The following FRMD6 variants were observed in gnomAD, a reference collection of about 807,000 sequenced individuals.
FRMD6 encodes FERM domain containing 6, also known as FERM domain-containing protein 6.
FRMD6 carries 37 observed loss-of-function variants against 73.2 expected under a neutral mutation model. The observed-to-expected ratio is 0.51, with a 90% CI of 0.39 to 0.66. FRMD6 has a LOEUF of 0.66. Ranked by LOEUF, FRMD6 falls within the 30% of genes least tolerant of loss-of-function variation. The pLI, the probability that FRMD6 is intolerant of heterozygous loss-of-function variation, is 0.00. For synonymous variants in FRMD6, 273 were observed against 282.2 expected (o/e 0.97, Z 0.33); for missense variants, 714 against 780.5 (o/e 0.91, Z 1.02).
chr14:51,437,382 A>C, the FRMD6 span, among the ~76,000 whole-genome samples: 90 of 152,158 alleles, frequency 5.9e-4, 3 homozygotes, highest in Non-Finnish European at 1.5e-5. Flanking sequence ...GGCTCACTGC[A>C]ACCTCCGCCT....
Position 51,715,414 on chromosome 14 carries a change from C to A in FRMD6, c.939C>A (p.Leu313=). ...YTGCPMRSRH[L]LQLLSNSHRL... ...GGTGCCCCATGCGCTCCAGACACCT[C>A]CTGCAACTTCTGAGCAACAGCCACC... Residue 313 remains leucine (L), a synonymous_variant, in exon 10 of 14, where the codon CTC becomes CTA. Coordinates refer to ENST00000344768, the MANE Select transcript of FRMD6 (RefSeq NM_001267046.2). The A allele has an allele frequency of 1.2e-6, 2 of 1,613,930 alleles. No individual in the cohort carries two copies. Among genetic ancestry groups the A allele is most frequent in the Non-Finnish European group, 8.5e-7 (1 of 1,179,870 alleles).
chr14:51,475,929 A>G, the FRMD6 span, among the ~76,000 whole-genome samples: 5 of 152,170 alleles, frequency 3.3e-5, no homozygotes, highest in Non-Finnish European at 7.4e-5. Flanking sequence ...ACGTGCTTAC[A>G]TGCTGAACCA....
At chr14:51,655,267 A>G (rs1423546146) in intron 1 of FRMD6, among the ~76,000 whole-genome samples, 2 of 152,246 alleles carry the variant, frequency 1.3e-5, no homozygotes, top group African/African-American at 2.4e-5. Context: ...TGTTGCACAC[A>G]TTAAAATTAT....
chr14:51,471,803 GAAGA>G, the FRMD6 span, among the ~76,000 whole-genome samples: 1 of 152,076 alleles, frequency 6.6e-6, no homozygotes, highest in East Asian at 1.9e-4. Flanking sequence ...TTTAAAAAAA[GAAGA>G]AAGAAAGAAA....
At chr14:51,436,100 C>A in the FRMD6 span, 1 of 218,832 alleles carries the variant, frequency 4.6e-6, no homozygotes, top group Non-Finnish European at 8.9e-6. Context: ...CACCTCCTGC[C>A]CTGAGACCAG....
chr14:51,570,923 T>C (rs1888101946), intron 2 of FRMD6, among the ~76,000 whole-genome samples: 1 of 152,248 alleles, frequency 6.6e-6, no homozygotes, highest in Admixed American at 6.5e-5. Context: ...CTATCTAATA[T>C]GGGACTCCGT....
intron 1 of FRMD6, among the ~76,000 whole-genome samples, chr14:51,664,502 C>T (rs1384598733): frequency 6.6e-6 from 1 of 152,116 alleles, no homozygotes; most frequent in Admixed American, 6.5e-5. Flanking sequence ...TTAATGCATA[C>T]GTATTGTTTT....
chr14:51,642,036 C>G (rs997930009), intron 2 of FRMD6, among the ~76,000 whole-genome samples: 2 of 152,134 alleles, frequency 1.3e-5, no homozygotes, highest in African/African-American at 4.8e-5. Flanking sequence ...AATAAGGCCA[C>G]GTACCTTTTG....
At chr14:51,607,909 C>T (rs1483124996) in intron 2 of FRMD6, among the ~76,000 whole-genome samples, 1 of 152,192 alleles carries the variant, frequency 6.6e-6, no homozygotes, top group African/African-American at 2.4e-5. Flanking sequence ...AGTCACAGCA[C>T]TTGCTTTGCA....
chr14:51,447,999 G>C, the FRMD6 span, among the ~76,000 whole-genome samples: 1 of 152,104 alleles, frequency 6.6e-6, no homozygotes, highest in African/African-American at 2.4e-5. Context: ...AGCTTGTATT[G>C]TTCTAATTGC....
At chr14:51,462,396 C>T in the FRMD6 span, among the ~76,000 whole-genome samples, 1 of 152,180 alleles carries the variant, frequency 6.6e-6, no homozygotes, top group Admixed American at 6.5e-5. Context: ...TTCACCTGCT[C>T]CCAACTCTTC....
chr14:51,470,214 C>CT, the FRMD6 span, among the ~76,000 whole-genome samples: 3 of 151,846 alleles, frequency 2.0e-5, no homozygotes, highest in Admixed American at 1.3e-4. Context: ...TTTTTTAAAT[C>CT]TTTTTTAAAA....
chr14:51,575,355 A>G (rs151149596), intron 2 of FRMD6, among the ~76,000 whole-genome samples: 402 of 152,372 alleles, frequency 2.6e-3, no homozygotes, highest in South Asian at 7.9e-3. Context: ...GGCTGTGAAT[A>G]TAAAGAGAGC....
chr14:51,623,665 C>A (rs138935132), intron 2 of FRMD6, among the ~76,000 whole-genome samples: 1,558 of 152,248 alleles, frequency 0.01, 26 homozygotes, highest in South Asian at 0.035. Context: ...CCACTGCTGC[C>A]CCCCTCTCAC....
chr14:51,443,499 C>T, the FRMD6 span, among the ~76,000 whole-genome samples: 7 of 152,166 alleles, frequency 4.6e-5, no homozygotes, highest in African/African-American at 1.7e-4. Flanking sequence ...GCTCTTGCCC[C>T]CAAATATGAA....
At chr14:51,409,966 A>G in the FRMD6 span, among the ~76,000 whole-genome samples, 50 of 152,314 alleles carry the variant, frequency 3.3e-4, no homozygotes, top group African/African-American at 1.2e-3. Context: ...AATGCTGATC[A>G]CAGGTCATAT....
upstream of FRMD6, among the ~76,000 whole-genome samples, chr14:51,647,576 ATTTAT>A (rs1892134311): frequency 6.6e-6 from 1 of 152,184 alleles, no homozygotes; most frequent in South Asian, 2.1e-4. Flanking sequence ...ACTTAATTAA[ATTTAT>A]TTTGTTTGTT....
At chr14:51,447,051 T>C in the FRMD6 span, among the ~76,000 whole-genome samples, 21 of 152,300 alleles carry the variant, frequency 1.4e-4, no homozygotes, top group African/African-American at 4.8e-4. Context: ...TACTTTATAA[T>C]ACTCTGTCCC....
chr14:51,681,621 A>G (rs556630742), intron 1 of FRMD6, among the ~76,000 whole-genome samples: 165 of 152,306 alleles, frequency 1.1e-3, no homozygotes, highest in Non-Finnish European at 1.9e-3. Flanking sequence ...GCCTACTGCC[A>G]TACAGTATTT....
Sources: allele counts gnomAD v4.1 joint callset (sites outside exome capture counted in the v4.1 genomes callset), GRCh38; gene constraint gnomAD v4.1.1; transcripts MANE v1.5; gene names NCBI Gene and HGNC (gene_info 2026-07-23, HGNC 2026-07-21).